Variants in FHOD3 observed in about 807,000 individuals in gnomAD.
FHOD3 encodes the protein FH1/FH2 domain-containing protein 3.
In FHOD3, 90 loss-of-function variants were observed where a neutral mutation model predicts 173.0. The ratio of observed to expected loss-of-function variants is 0.52; its 90% CI spans 0.44 to 0.62. The LOEUF (loss-of-function observed/expected upper bound fraction) is 0.62, where lower values mean the gene tolerates loss of function less well. FHOD3 is among the 20% of genes least tolerant of loss of function. The probability of loss-of-function intolerance (pLI) is 0.00; values close to 1 mark genes in which losing one functional copy is unlikely to be tolerated. For synonymous variants in FHOD3, 828 were observed against 823.0 expected (o/e 1.01, Z -0.10); for missense variants, 1,945 against 2,034.7 (o/e 0.96, Z 0.85).
chr18:36,677,462 A>T (rs1375203560), intron 14 of FHOD3, among the ~76,000 whole-genome samples: 1 of 152,132 alleles, frequency 6.6e-6, no homozygotes, highest in Non-Finnish European at 1.5e-5. Context: ...ATTTTGTTTT[A>T]TATGGCTAAA....
intron 6 of FHOD3, among the ~76,000 whole-genome samples, chr18:36,587,291 A>G (rs1442910107): frequency 1.3e-5 from 2 of 152,148 alleles, no homozygotes; most frequent in African/African-American, 4.8e-5. Flanking sequence ...ATGATAATGA[A>G]GTTAGAAACT....
At chr18:36,414,079 T>C (rs2049498488) in intron 3 of FHOD3, among the ~76,000 whole-genome samples, 1 of 152,176 alleles carries the variant, frequency 6.6e-6, no homozygotes, top group African/African-American at 2.4e-5. Context: ...GGTTTTATAG[T>C]TTTTCAGCTG....
At chr18:36,410,737 C>T (rs1416949290) in intron 3 of FHOD3, among the ~76,000 whole-genome samples, 2 of 152,130 alleles carry the variant, frequency 1.3e-5, no homozygotes, top group Non-Finnish European at 2.9e-5. Context: ...TTTTGATTTG[C>T]ATTTCCCATG....
rs761059043 is a variant in FHOD3 at position 36,742,351 on chromosome 18, A to T, written c.3760-386A>T. ...GCAGTTCAGGGACATCGAGCGCACA[A>T]CTTTCATTGCCAATCTGCCTGGAAG... is the stretch of plus-strand genomic sequence containing the variant. On this transcript the variant is annotated intron_variant, in intron 21 of 28. Transcript: ENST00000590592. Among the ~76,000 whole-genome samples the T allele has an allele frequency of 5.3e-5, 8 of 152,332 alleles. No homozygotes were observed. The South Asian group carries it at 1.7e-3, about 32-fold the overall frequency.
At chr18:36,299,317 A>C (rs1268799948) in intron 1 of FHOD3, among the ~76,000 whole-genome samples, 1 of 152,218 alleles carries the variant, frequency 6.6e-6, no homozygotes, top group East Asian at 1.9e-4. Context: ...TGGGAGACAG[A>C]GGGTCGTCAT....
chr18:36,692,586 A>C (rs2039029821), intron 16 of FHOD3, among the ~76,000 whole-genome samples: 1 of 151,370 alleles, frequency 6.6e-6, no homozygotes, highest in African/African-American at 2.4e-5. Context: ...GACTTTGATG[A>C]ATAAACTCTA....
At chr18:36,409,314 A>G (rs1356475163) in intron 3 of FHOD3, among the ~76,000 whole-genome samples, 3 of 152,208 alleles carry the variant, frequency 2.0e-5, no homozygotes, top group African/African-American at 7.2e-5. Context: ...TAAGACTGAT[A>G]GCACAGTCTA....
intron 3 of FHOD3, among the ~76,000 whole-genome samples, chr18:36,395,022 G>A (rs887984578): frequency 6.6e-5 from 10 of 152,026 alleles, no homozygotes; most frequent in African/African-American, 2.2e-4. Context: ...ACATGTCCAG[G>A]TTATCAAGAA....
rs978486483 is a variant in FHOD3, at chr18:36,611,964, C to A, written c.826C>A (p.Leu276Ile). The A allele has an allele frequency of 1.2e-6, 2 of 1,613,962 alleles. No individual in the cohort carries two copies. The highest frequency in any genetic ancestry group is 3.3e-5 in the Admixed American group (2 of 60,002). The part of the protein sequence containing the change: ...MTLVNKTLSG[L>I]PDQDTFYDVV... ...TCTCTTCTTCCAGACGTTATCAGGA[C>A]TACCAGACCAAGACACCTTCTACGA... The change falls in exon 9 of 29, where the codon CTA becomes ATA. Residue 276 changes from leucine (L) to isoleucine (I), a missense_variant. By Grantham distance (5) the Leu-to-Ile change is conservative. This residue lies in a region of FHOD3 where 1,099 missense variants were observed against 1,051.2 expected (regional missense o/e 1.05). Coordinates refer to ENST00000590592, the MANE Select transcript of FHOD3 (RefSeq NM_001281740.3).
chr18:36,705,951 G>C (rs1463548356), intron 17 of FHOD3, among the ~76,000 whole-genome samples: 2 of 45,582 alleles, frequency 4.4e-5, no homozygotes, highest in African/African-American at 8.0e-5. Context: ...AAGGAACTGT[G>C]TGTGTGTGTG....
chr18:36,605,129 T>C (rs1814735459), intron 8 of FHOD3, among the ~76,000 whole-genome samples: 1 of 152,244 alleles, frequency 6.6e-6, no homozygotes, highest in South Asian at 2.1e-4. Context: ...GAGCTCATTT[T>C]ACCATTTGAT....
intron 1 of FHOD3, among the ~76,000 whole-genome samples, chr18:36,352,588 G>C (rs1382764698): frequency 6.6e-6 from 1 of 152,148 alleles, no homozygotes; most frequent in Non-Finnish European, 1.5e-5. Context: ...AGCGCTACTT[G>C]CTCTTCGTTC....
At chr18:36,326,076 G>A (rs540549009) in intron 1 of FHOD3, among the ~76,000 whole-genome samples, 2 of 152,350 alleles carry the variant, frequency 1.3e-5, no homozygotes, top group African/African-American at 2.4e-5. Context: ...GTCAAGCCAT[G>A]TCCAGCTTTT....
At chr18:36,333,991 G>T (rs1254111466) in intron 1 of FHOD3, among the ~76,000 whole-genome samples, 1 of 152,144 alleles carries the variant, frequency 6.6e-6, no homozygotes, top group Non-Finnish European at 1.5e-5. Flanking sequence ...AAGGTCAGAT[G>T]TGCTGCCTTA....
At chr18:36,308,937 AG>A (rs1485087105) in intron 1 of FHOD3, among the ~76,000 whole-genome samples, 11 of 152,314 alleles carry the variant, frequency 7.2e-5, no homozygotes, top group African/African-American at 2.6e-4. Flanking sequence ...CCCACACTGT[AG>A]GTGAGTGTGG....
At chr18:36,716,169 G>T (rs1189915573) in intron 18 of FHOD3, among the ~76,000 whole-genome samples, 1 of 152,242 alleles carries the variant, frequency 6.6e-6, no homozygotes, top group African/African-American at 2.4e-5. Context: ...GGCTGTTGGG[G>T]TAAGAACTGG....
At chr18:36,573,150 CT>C (rs60486589) in intron 5 of FHOD3, among the ~76,000 whole-genome samples, 1,693 of 140,576 alleles carry the variant, frequency 0.012, 13 homozygotes, top group South Asian at 0.019. Context: ...TATTTTTGTT[CT>C]TTTTTTTTTT....
chr18:36,732,877 T>A lies in FHOD3; in HGVS notation c.3576+2073T>A, dbSNP rs371770711. 2.0e-5 allele frequency among the ~76,000 whole-genome samples: 3 copies of A among 152,174 alleles called. No homozygotes were observed. The East Asian group carries it at 5.8e-4, about 29-fold the overall frequency. ...CCGCAGACCCTAACCCAGTGACGGA[T>A]GAGAGACTTACACTGACATAGATAT... On this transcript the variant is annotated intron_variant, in intron 20 of 28. Transcript: ENST00000590592.
intron 1 of FHOD3, among the ~76,000 whole-genome samples, chr18:36,328,895 G>A (rs1472555115): frequency 6.6e-6 from 1 of 152,174 alleles, no homozygotes; most frequent in Non-Finnish European, 1.5e-5. Context: ...AGGTGGGGCT[G>A]TCAGTTGGAT....
Sources: gnomAD v4.1 joint callset for allele counts (sites outside exome capture counted in the v4.1 genomes callset) on GRCh38, gnomAD v4.1.1 for gene constraint, gnomAD v4.1.1 regional missense constraint, MANE v1.5 for transcripts, NCBI Gene and HGNC (gene_info 2026-07-23, HGNC 2026-07-21) for gene names.